Variants in PIEZO2 observed in about 807,000 individuals in gnomAD.
PIEZO2 encodes piezo type mechanosensitive ion channel component 2, also known as piezo-type mechanosensitive ion channel component 2.
Under a neutral mutation model 337.3 loss-of-function variants are expected in PIEZO2, and 172 were observed. The ratio of observed to expected loss-of-function variants is 0.51; its 90% confidence interval spans 0.45 to 0.58. The LOEUF is 0.58. PIEZO2 is among the 20% of genes least tolerant of loss of function. The probability of loss-of-function intolerance (pLI) is 0.00; values close to 1 mark genes in which losing one functional copy is unlikely to be tolerated. For missense variants in PIEZO2, 3,028 were observed against 3,391.3 expected, an observed-to-expected ratio of 0.89 and a Z score of 2.66; for synonymous variants, 1,251 against 1,228.5, an observed-to-expected ratio of 1.02 and a Z score of -0.38.
chr18:10,741,532 G>A (rs2037216548), intron 32 of PIEZO2, among the ~76,000 whole-genome samples: 1 of 152,068 alleles, frequency 6.6e-6, no homozygotes, highest in Non-Finnish European at 1.5e-5. Flanking sequence ...ATGCATGGCT[G>A]GAAAATATAA....
chr18:10,916,680 A>G (rs1447247320), intron 3 of PIEZO2, among the ~76,000 whole-genome samples: 1 of 152,080 alleles, frequency 6.6e-6, no homozygotes, highest in Non-Finnish European at 1.5e-5. Flanking sequence ...ACCTCCCCAC[A>G]AGGAGAGGGA....
At chr18:10,789,018 G>C (rs577977553) in intron 15 of PIEZO2, 61 bp downstream of exon 15, 5 of 1,456,662 alleles carry the variant, frequency 3.4e-6, no homozygotes, top group East Asian at 5.0e-5. Context: ...TCTCTGCAGA[G>C]GTAGCTCATG....
At chr18:10,927,989 G>T (rs1036738284) in intron 3 of PIEZO2, among the ~76,000 whole-genome samples, 3 of 152,086 alleles carry the variant, frequency 2.0e-5, no homozygotes, top group African/African-American at 7.2e-5. Flanking sequence ...TTAGACTAAG[G>T]AAGATTCAAA....
rs542869788 is a variant in PIEZO2, at chr18:10,763,107, G to A, written c.2947-9C>T. On this transcript the variant is annotated splice_polypyrimidine_tract_variant and intron_variant, in intron 21 of 55. Transcript: ENST00000674853. ...TAGTTGAACAGAGACACCTGAAAAC[G>A]TAAAACCAGAAATGGGGACAAAAAT... is the stretch of plus-strand genomic sequence containing the variant. 29 of 1,535,400 alleles carry A rather than the reference G, an allele frequency of 1.9e-5. No homozygotes were observed. The highest frequency in any genetic ancestry group is 2.7e-5 in the African/African-American group (2 of 72,990).
At position 10,958,125 on chromosome 18, in the gene PIEZO2, G is replaced by C. The variant is rs1487507081; in HGVS notation, c.286+21410C>G. Among the ~76,000 whole-genome samples, 5 of 152,176 alleles carry C rather than the reference G, an allele frequency of 3.3e-5. No homozygotes were observed. The East Asian group carries it at 7.7e-4, about 23-fold the overall frequency. ...GTAGTGGCTCCTCAAAACCTGAAAA[G>C]TGTTCATCAACAGATGAATAAATAA... On this transcript the variant is annotated intron_variant, in intron 3 of 55. Transcript: ENST00000674853.
rs907049498 is a variant in PIEZO2, at chr18:10,929,964, T to C, written c.287-18736A>G. Among the ~76,000 whole-genome samples, 1 of 152,068 alleles carries C rather than the reference T, an allele frequency of 6.6e-6. No homozygotes were observed. Among genetic ancestry groups the C allele is most frequent in the African/African-American group, 2.4e-5 (1 of 41,392 alleles). The stretch of plus-strand genomic sequence containing the variant: ...TCATTATACCCTCTTTCCTTTGGAG[T>C]TGAGGCACCACGGACCAGCATTAAC... On this transcript the variant is annotated intron_variant, in intron 3 of 55. Transcript: ENST00000674853. This position sits in a 1 kb window ranked among gnomAD's most constrained non-coding sequence, Gnocchi z 5.6.
chr18:10,816,589 A>T (rs1487107220), intron 7 of PIEZO2, among the ~76,000 whole-genome samples: 1 of 152,236 alleles, frequency 6.6e-6, no homozygotes, highest in Non-Finnish European at 1.5e-5. Flanking sequence ...ACAAAACAAT[A>T]GGGGCAACAC....
intron 1 of PIEZO2, among the ~76,000 whole-genome samples, chr18:11,071,244 C>A (rs1218059984): frequency 6.6e-6 from 1 of 152,146 alleles, no homozygotes; most frequent in Non-Finnish European, 1.5e-5. Flanking sequence ...GAGTGACAGG[C>A]AAATATAGGT....
intron 40 of PIEZO2, 64 bp from the exon 41 acceptor site, chr18:10,705,810 C>T (rs2035562560): frequency 6.9e-7 from 1 of 1,446,672 alleles, no homozygotes; most frequent in South Asian, 1.4e-5. Context: ...GGGTTCTTTC[C>T]CATTCCTGAG....
intron 2 of PIEZO2, among the ~76,000 whole-genome samples, chr18:11,020,660 C>A (rs557778550): frequency 3.3e-5 from 5 of 152,238 alleles, no homozygotes; most frequent in Non-Finnish European, 5.9e-5. Context: ...AGCCTTTTGC[C>A]AACCACTAAA....
Position 11,126,121 on chromosome 18 carries a change from G to A in PIEZO2, c.64+22404C>T, listed in dbSNP as rs2040174453. Among the ~76,000 whole-genome samples the A allele has an allele frequency of 6.6e-6, 1 of 152,180 alleles. No homozygotes were observed. The highest frequency in any genetic ancestry group is 1.5e-5 in the Non-Finnish European group (1 of 68,048). ...GGCAGTTCTGTCCATGCCCACCAGAGGCCTGCAGCACAGGTAGCTGAGCCA... is the reference window on the plus strand; with the variant it reads ...GGCAGTTCTGTCCATGCCCACCAGAAGCCTGCAGCACAGGTAGCTGAGCCA... On this transcript the variant is annotated intron_variant, in intron 1 of 55. Coordinates refer to ENST00000674853, the MANE Select transcript of PIEZO2 (RefSeq NM_001378183.1). The surrounding 1 kb of genome is among the most constrained non-coding windows in gnomAD (Gnocchi z 4.6).
chr18:10,985,696 G>A (rs1469358825), intron 2 of PIEZO2, among the ~76,000 whole-genome samples: 1 of 151,688 alleles, frequency 6.6e-6, no homozygotes, highest in Non-Finnish European at 1.5e-5. Context: ...TTTTACATAA[G>A]ACTCATGATA....
intron 33 of PIEZO2, chr18:10,740,811 A>G: frequency 1.5e-5 from 10 of 679,964 alleles, no homozygotes; most frequent in South Asian, 7.9e-5. Flanking sequence ...TTCTACAGCC[A>G]GCACAAGAAT....
At chr18:10,906,102 C>T (rs1187964877) in intron 4 of PIEZO2, among the ~76,000 whole-genome samples, 1 of 152,090 alleles carries the variant, frequency 6.6e-6, no homozygotes, top group African/African-American at 2.4e-5. Flanking sequence ...AAAGACAGAG[C>T]TAGGCCTTTT....
intron 2 of PIEZO2, among the ~76,000 whole-genome samples, chr18:11,039,975 A>G (rs576760556): frequency 6.6e-6 from 1 of 152,270 alleles, no homozygotes; most frequent in Non-Finnish European, 1.5e-5. Context: ...TGAGAGCTAT[A>G]CAAGTTGGAA....
At chr18:10,961,940 A>G in intron 3 of PIEZO2, among the ~76,000 whole-genome samples, 1 of 152,312 alleles carries the variant, frequency 6.6e-6, no homozygotes, top group Non-Finnish European at 1.5e-5. Flanking sequence ...TCTCACAAGC[A>G]TACGCATCAG....
In PIEZO2 at chr18:10,671,384, A is replaced by C; in HGVS notation, c.*143T>G. The C allele has an allele frequency of 1.2e-6, 1 of 846,830 alleles. No individual in the cohort carries two copies. Among genetic ancestry groups the C allele is most frequent in the Non-Finnish European group, 1.7e-6 (1 of 576,526 alleles). The allele number at this position is 846,830 out of a possible 1,614,324, so 52.5% of individuals were successfully genotyped here. On this transcript the variant is annotated 3_prime_UTR_variant, in exon 56 of 56. Coordinates refer to ENST00000674853, the MANE Select transcript of PIEZO2 (RefSeq NM_001378183.1). ...CTTGCAAGGTAGCTTTTACTGCAGAAGGATATCAGCTCCTTTTGTCTACCT... is the reference window on the plus strand; with the variant it reads ...CTTGCAAGGTAGCTTTTACTGCAGACGGATATCAGCTCCTTTTGTCTACCT...
chr18:11,025,213 A>G (rs1327720509), intron 2 of PIEZO2, among the ~76,000 whole-genome samples: 1 of 152,196 alleles, frequency 6.6e-6, no homozygotes, highest in East Asian at 1.9e-4. Flanking sequence ...GAAAATAACA[A>G]TAGCCACTTC....
At chr18:11,084,476 C>T (rs1230202290) in intron 1 of PIEZO2, among the ~76,000 whole-genome samples, 2 of 152,042 alleles carry the variant, frequency 1.3e-5, no homozygotes, top group Admixed American at 6.5e-5. Context: ...CCAGGAGGAG[C>T]GGGTTGTGTA....
Sources: allele counts gnomAD v4.1 joint callset (sites outside exome capture counted in the v4.1 genomes callset), GRCh38; gene constraint gnomAD v4.1.1; non-coding constraint Gnocchi (gnomAD v3.1); transcripts MANE v1.5; gene names NCBI Gene and HGNC (gene_info 2026-07-23, HGNC 2026-07-21).